Variants in ADAMTSL1 observed in about 807,000 individuals in gnomAD.
The protein encoded by ADAMTSL1 is ADAMTS-like protein 1.
A neutral mutation model predicts 201.8 loss-of-function variants in ADAMTSL1; 126 were observed. That is an observed-to-expected ratio of 0.62 (90% CI 0.54 to 0.72). The LOEUF (loss-of-function observed/expected upper bound fraction) is 0.72, where lower values mean the gene tolerates loss of function less well. Among genes scored for constraint, ADAMTSL1 ranks in the 30% least tolerant of loss-of-function variants. The pLI is 0.00. For missense variants in ADAMTSL1, 2,679 were observed against 2,277.8 expected (o/e 1.18, Z -3.59); for synonymous variants, 1,121 against 903.4 (o/e 1.24, Z -4.32).
At chr9:18,230,106 G>A (rs1830594966) in intron 2 of ADAMTSL1, among the ~76,000 whole-genome samples, 1 of 152,160 alleles carries the variant, frequency 6.6e-6, no homozygotes, top group South Asian at 2.1e-4. Context: ...TCATTGCCTG[G>A]TGAAAACAAA....
At chr9:18,044,862 C>G (rs1264022931) in intron 1 of ADAMTSL1, among the ~76,000 whole-genome samples, 1 of 152,172 alleles carries the variant, frequency 6.6e-6, no homozygotes, top group African/African-American at 2.4e-5. Context: ...CGAAGTATGG[C>G]TCTCTGGCTC....
At chr9:18,178,392 G>A (rs1212004603) in intron 2 of ADAMTSL1, among the ~76,000 whole-genome samples, 16 of 151,342 alleles carry the variant, frequency 1.1e-4, no homozygotes, top group East Asian at 5.9e-4. Context: ...ATGGAGTCTC[G>A]CTGATTGCTA....
At chr9:18,705,711 TACAC>T (rs1297946449) in intron 13 of ADAMTSL1, among the ~76,000 whole-genome samples, 1 of 152,212 alleles carries the variant, frequency 6.6e-6, no homozygotes, top group African/African-American at 2.4e-5. Flanking sequence ...CTTGGAAACT[TACAC>T]ACAAAAATAC....
intron 23 of ADAMTSL1, among the ~76,000 whole-genome samples, chr9:18,864,388 G>A (rs918259668): frequency 7.9e-5 from 12 of 152,148 alleles, no homozygotes; most frequent in African/African-American, 2.9e-4. Flanking sequence ...CAAAGTGACT[G>A]GCAGCTAATG....
At chr9:18,893,910 C>T (rs1829452039) in intron 26 of ADAMTSL1, among the ~76,000 whole-genome samples, 2 of 152,220 alleles carry the variant, frequency 1.3e-5, no homozygotes, top group Non-Finnish European at 2.9e-5. Flanking sequence ...AATCTGGCTT[C>T]ATGTAATAAT....
chr9:18,325,892 C>A (rs756222818), intron 2 of ADAMTSL1, among the ~76,000 whole-genome samples: 1 of 152,180 alleles, frequency 6.6e-6, no homozygotes, highest in Non-Finnish European at 1.5e-5. Context: ...AGGCATGCAC[C>A]ACTACGCCTG....
intron 1 of ADAMTSL1, among the ~76,000 whole-genome samples, chr9:18,159,847 A>G (rs2132077850): frequency 6.6e-6 from 1 of 152,088 alleles, no homozygotes; most frequent in East Asian, 1.9e-4. Context: ...TTGCAGACAT[A>G]GTTTGAGTTT....
At chr9:18,500,626 C>T (rs1356344131) in intron 1 of ADAMTSL1, among the ~76,000 whole-genome samples, 2 of 152,134 alleles carry the variant, frequency 1.3e-5, no homozygotes, top group Admixed American at 6.5e-5. Flanking sequence ...AAAACTCAGG[C>T]GCTTCTTCTC....
intron 15 of ADAMTSL1, among the ~76,000 whole-genome samples, chr9:18,741,495 C>G (rs1279306117): frequency 6.6e-6 from 1 of 152,144 alleles, no homozygotes; most frequent in Non-Finnish European, 1.5e-5. Context: ...TATAAATGTC[C>G]AGAAAGATTT....
At chr9:17,987,695 G>A (rs192085497) in intron 1 of ADAMTSL1, among the ~76,000 whole-genome samples, 2 of 152,172 alleles carry the variant, frequency 1.3e-5, no homozygotes, top group Admixed American at 1.3e-4. Flanking sequence ...AACTCTGCAA[G>A]CAGTGTGCTC....
In ADAMTSL1 at chr9:18,528,080, G is replaced by A. The variant is rs571336387; in HGVS notation, c.192-5167G>A. Among the ~76,000 whole-genome samples the A allele has an allele frequency of 1.1e-3, 166 of 152,204 alleles. 3 individuals carry two copies. In the South Asian group the frequency reaches 0.032, roughly 30 times the overall value. On this transcript the variant is annotated intron_variant, in intron 2 of 28. Transcript: ENST00000380548. ...TTTATTAGAGACGGGGTTTCATCACGTTGGCCAGGCTGGTCTTGAACTCCT... is the reference window on the plus strand; with the variant it reads ...TTTATTAGAGACGGGGTTTCATCACATTGGCCAGGCTGGTCTTGAACTCCT...
chr9:18,849,536 A>G (rs1711572850), intron 23 of ADAMTSL1, among the ~76,000 whole-genome samples: 1 of 152,174 alleles, frequency 6.6e-6, no homozygotes, highest in Admixed American at 6.5e-5. Flanking sequence ...TTAGGTAAAA[A>G]TTAATCCACA....
chr9:18,837,631 A>T (rs1034390005), intron 23 of ADAMTSL1, among the ~76,000 whole-genome samples: 2 of 152,168 alleles, frequency 1.3e-5, no homozygotes, highest in Non-Finnish European at 2.9e-5. Context: ...CGCCATACTC[A>T]AGGGGATCCT....
At chr9:18,726,467 C>T (rs1018502314) in intron 15 of ADAMTSL1, among the ~76,000 whole-genome samples, 1 of 151,196 alleles carries the variant, frequency 6.6e-6, no homozygotes, top group Non-Finnish European at 1.5e-5. Flanking sequence ...GCTGTGATCA[C>T]ACCACTACAC....
Position 18,084,257 on chromosome 9 carries a change from C to G in ADAMTSL1, c.88-79605C>G, listed in dbSNP as rs541952161. ...GGTGGTGAGGCTGGGCGCGGTGGCT[C>G]ATGCCTGTAATCCCAGCACTTTGGG... On this transcript the variant is annotated intron_variant, in intron 1 of 29. Coordinates refer to the ADAMTSL1 transcript ENST00000680146. Among the ~76,000 whole-genome samples, 3 of 151,482 alleles carry G rather than the reference C, an allele frequency of 2.0e-5. No individual in the cohort carries two copies. The South Asian group carries it at 6.3e-4, about 32-fold the overall frequency.
At chr9:18,313,715 A>T (rs56067157) in intron 2 of ADAMTSL1, among the ~76,000 whole-genome samples, 66 of 152,286 alleles carry the variant, frequency 4.3e-4, no homozygotes, top group African/African-American at 1.6e-3. Flanking sequence ...GGACATGAGC[A>T]GTGTTCTAGG....
intron 1 of ADAMTSL1, among the ~76,000 whole-genome samples, chr9:17,914,720 G>A (rs1563891830): frequency 6.6e-6 from 1 of 151,976 alleles, no homozygotes; most frequent in African/African-American, 2.4e-5. Flanking sequence ...TAGGAAAAGA[G>A]GAAGTCAAAT....
At chr9:18,522,834 T>C (rs7036067) in intron 2 of ADAMTSL1, among the ~76,000 whole-genome samples, 90,248 of 151,784 alleles carry the variant, frequency 0.59, 27,075 homozygotes, top group East Asian at 0.8. Flanking sequence ...TTAATCCAGT[T>C]GATCATTCAT....
chr9:18,802,925 T>C (rs930804932), intron 20 of ADAMTSL1, among the ~76,000 whole-genome samples: 1 of 152,214 alleles, frequency 6.6e-6, no homozygotes, highest in African/African-American at 2.4e-5. Flanking sequence ...TAGTACTTTA[T>C]TGTGATTTAA....
Sources: allele counts gnomAD v4.1 joint callset (sites outside exome capture counted in the v4.1 genomes callset), GRCh38; gene constraint gnomAD v4.1.1; transcripts MANE v1.5; gene names NCBI Gene and HGNC (gene_info 2026-07-23, HGNC 2026-07-21).